Variants in LMF1 observed in about 807,000 individuals in gnomAD.
LMF1 encodes the protein transmembrane protein 112.
A neutral mutation model predicts 60.6 loss-of-function variants in LMF1; 68 were observed. That is an observed-to-expected ratio of 1.12 (90% confidence interval 0.92 to 1.37). The LOEUF is 1.37. LMF1 is among the 40% of genes most tolerant of loss of function. LMF1 has a pLI of 0.00. For synonymous variants in LMF1, 418 were observed against 324.7 expected (o/e 1.29, Z -3.09); for missense variants, 948 against 767.2 (o/e 1.24, Z -2.78).
chr16:910,836 G>C, intron 4 of LMF1, 95 bp downstream of exon 4: 3 of 1,510,492 alleles, frequency 2.0e-6, no homozygotes, highest in East Asian at 4.6e-5. Context: ...AGGGCGGCGG[G>C]GGAGGAAGGA....
intron 5 of LMF1, chr16:885,190 T>C (rs2070270203): frequency 6.6e-6 from 1 of 152,152 alleles, no homozygotes; most frequent in Non-Finnish European, 1.5e-5. Context: ...CTGTGATGGA[T>C]TAAAGGCATA....
At chr16:964,141 A>G in intron 1 of LMF1, 1 of 455,984 alleles carries the variant, frequency 2.2e-6, no homozygotes, top group Non-Finnish European at 4.4e-6. Context: ...TCAGAATCAG[A>G]AAGAAATAGC....
At chr16:968,557 G>A (rs1388305339) in intron 1 of LMF1, 1 of 152,204 alleles carries the variant, frequency 6.6e-6, no homozygotes, top group Non-Finnish European at 1.5e-5. Context: ...GATAAATGCA[G>A]GATGACTGCC....
chr16:976,091 G>C (rs2073134157), intron 1 of LMF1: 1 of 369,098 alleles, frequency 2.7e-6, no homozygotes, highest in African/African-American at 3.9e-5. Flanking sequence ...TACAAACGCT[G>C]ATTTTTCTGG....
chr16:865,840 C>T (rs774964634), intron 10 of LMF1, among the ~76,000 whole-genome samples: 4 of 152,198 alleles, frequency 2.6e-5, no homozygotes, highest in South Asian at 2.1e-4. Context: ...TGTTTTTCCC[C>T]GTCTATGTCC....
At chr16:896,259 C>T (rs1467431046) in intron 4 of LMF1, among the ~76,000 whole-genome samples, 1 of 151,520 alleles carries the variant, frequency 6.6e-6, no homozygotes, top group Non-Finnish European at 1.5e-5. Context: ...TCCACACACA[C>T]GCCTCGGAGG....
chr16:913,364 G>A (rs1261591091), intron 3 of LMF1, among the ~76,000 whole-genome samples: 1 of 152,260 alleles, frequency 6.6e-6, no homozygotes, highest in Non-Finnish European at 1.5e-5. Flanking sequence ...CTGCGACACA[G>A]ACAGCGTTGG....
intron 10 of LMF1, among the ~76,000 whole-genome samples, chr16:856,998 C>G (rs143303335): frequency 6.6e-6 from 1 of 152,238 alleles, no homozygotes; most frequent in Non-Finnish European, 1.5e-5. Context: ...ATTTCAAGAA[C>G]GTATGATTTC....
chr16:881,720 TTG>T (rs2151716761), intron 5 of LMF1, among the ~76,000 whole-genome samples: 1 of 152,126 alleles, frequency 6.6e-6, no homozygotes, highest in East Asian at 1.9e-4. Context: ...AGGCTGCTTG[TTG>T]TGTGTTTGGG....
rs1209727248 is a variant in LMF1 at position 892,862 on chromosome 16, G to A, written c.729+145C>T. 9.6e-6 allele frequency: 6 copies of A among 622,412 alleles called. No individual in the cohort carries two copies. In the East Asian group the frequency reaches 1.4e-4, roughly 15 times the overall value. The allele number at this position is 622,412 out of a possible 1,614,324, so 38.6% of individuals were successfully genotyped here. On this transcript the variant is annotated intron_variant, in intron 5 of 10. Transcript: ENST00000262301. Reference sequence around the variant, plus strand: ...CCCGTGTGACCACCCACCCCGTGAAGGGAGGGAGAGGACGTCCTGAATCAA... The same window carrying A: ...CCCGTGTGACCACCCACCCCGTGAAAGGAGGGAGAGGACGTCCTGAATCAA...
chr16:854,462 G>C lies in LMF1; in HGVS notation c.*70C>G, dbSNP rs1169344519. On this transcript the variant is annotated 3_prime_UTR_variant, in exon 11 of 11. Coordinates refer to ENST00000262301, the MANE Select transcript of LMF1 (RefSeq NM_022773.4). ...TCTTGGCGATGCCCAGCTTGGGCTG[G>C]GCGCAGGGAAGGGCAAACGTTGCTG... The C allele has an allele frequency of 6.8e-7, 1 of 1,460,174 alleles. No individual in the cohort carries two copies. The highest frequency in any genetic ancestry group is 1.2e-5 in the South Asian group (1 of 82,586). 90.5% of individuals were successfully genotyped at this position (1,460,174 alleles called of 1,614,324 possible). A position where few individuals can be genotyped will look rare whatever the true frequency, so the allele number is the denominator to read the frequency against.
chr16:869,530 T>C lies in LMF1; in HGVS notation c.1416+353A>G, dbSNP rs1303579244. The C allele has an allele frequency of 2.1e-5, 12 of 569,766 alleles. No homozygotes were observed. In the African/African-American group the frequency reaches 2.2e-4, roughly 11 times the overall value. The allele number at this position is 569,766 out of a possible 1,614,324, so 35.3% of individuals were successfully genotyped here. On this transcript the variant is annotated intron_variant, in intron 9 of 10. Transcript: ENST00000262301. ...GGCTGCAGCGGTTGGGCTCAATCGATCCTTCCTCCTCCTGCGTAGCTGAAA... is the reference window on the plus strand; with the variant it reads ...GGCTGCAGCGGTTGGGCTCAATCGACCCTTCCTCCTCCTGCGTAGCTGAAA...
At chr16:930,953 T>C (rs1050459916) in intron 3 of LMF1, among the ~76,000 whole-genome samples, 5 of 151,978 alleles carry the variant, frequency 3.3e-5, no homozygotes, top group African/African-American at 1.2e-4. Context: ...AAATCCCATC[T>C]CTACTAAAAA....
In LMF1 at chr16:879,644, G is replaced by A. The variant is rs1487191600; in HGVS notation, c.823C>T (p.Leu275Phe). ...AGGAAGAGGAAGAAGGGCACCAGGA[G>A]CTCGATGAAGTGGTTGCTGAGCGTC... is the stretch of plus-strand genomic sequence containing the variant. Reference protein sequence around the residue: ...FETLSNHFIELLVPFFLFLGR... With the variant: ...FETLSNHFIEFLVPFFLFLGR... The change falls in exon 6 of 11, where the codon CTC becomes TTC. Residue 275 changes from leucine (L) to phenylalanine (F), a missense_variant. Physicochemically the swap from Leu to Phe is conservative, Grantham distance 22. Transcript: ENST00000262301. 2.5e-6 allele frequency: 4 copies of A among 1,613,290 alleles called. No individual in the cohort carries two copies. The highest frequency in any genetic ancestry group is 1.1e-5 in the South Asian group (1 of 90,866).
rs2069125225 is a variant in LMF1 at position 854,233 on chromosome 16, G to C, written c.*299C>G. ...GGATGGCCATTGTCTCAACTCCTGT[G>C]GGCGGCACAGCCCCAGGCTGGGCCT... On this transcript the variant is annotated 3_prime_UTR_variant, in exon 11 of 11. Transcript: ENST00000262301. 1 of 610,038 alleles carries C rather than the reference G, an allele frequency of 1.6e-6. No individual in the cohort carries two copies. The highest frequency in any genetic ancestry group is 1.8e-5 in the African/African-American group (1 of 55,402). The allele number at this position is 610,038 out of a possible 1,614,324, so 37.8% of individuals were successfully genotyped here. A position where few individuals can be genotyped will look rare whatever the true frequency, so the allele number is the denominator to read the frequency against.
Position 874,376 on chromosome 16 carries a change from G to C in LMF1, c.898-3035C>G, listed in dbSNP as rs1034818654. 3.0e-4 allele frequency among the ~76,000 whole-genome samples: 45 copies of C among 152,166 alleles called. No homozygotes were observed. The highest frequency in any genetic ancestry group is 2.0e-4 in the Admixed American group (3 of 15,290). ...GGGCGGGGTGGGGTGGGGCCGGACAGCCCGCTGTGGGCAGGCGCCTCAGAG... is the reference window on the plus strand; with the variant it reads ...GGGCGGGGTGGGGTGGGGCCGGACACCCCGCTGTGGGCAGGCGCCTCAGAG... On this transcript the variant is annotated intron_variant, in intron 6 of 10. Transcript: ENST00000262301. The surrounding 1 kb of genome is among the most constrained non-coding windows in gnomAD (Gnocchi z 4.1).
chr16:925,922 T>A (rs1171450390), intron 3 of LMF1, among the ~76,000 whole-genome samples: 1 of 152,256 alleles, frequency 6.6e-6, no homozygotes, highest in Non-Finnish European at 1.5e-5. Flanking sequence ...TGTGCACGTG[T>A]TTGCATATGA....
chr16:952,315 C>CA (rs879654728), intron 2 of LMF1, among the ~76,000 whole-genome samples: 284 of 151,196 alleles, frequency 1.9e-3, no homozygotes, highest in Non-Finnish European at 3.3e-3. Flanking sequence ...GGGACCCCCC[C>CA]CCACAGGTGC....
intron 5 of LMF1, among the ~76,000 whole-genome samples, chr16:881,253 G>T (rs1031960903): frequency 2.0e-5 from 3 of 152,258 alleles, no homozygotes; most frequent in African/African-American, 7.2e-5. Flanking sequence ...GTGGGCTGGG[G>T]AGGGTCCTGA....
Sources: gnomAD v4.1 joint callset for allele counts (sites outside exome capture counted in the v4.1 genomes callset) on GRCh38, gnomAD v4.1.1 for gene constraint, Gnocchi (gnomAD v3.1) non-coding constraint, MANE v1.5 for transcripts, NCBI Gene and HGNC (gene_info 2026-07-23, HGNC 2026-07-21) for gene names.